The following CDH19 variants were observed in gnomAD, a reference collection of about 807,000 sequenced individuals.
CDH19 encodes cadherin-19.
A neutral mutation model predicts 64.2 loss-of-function variants in CDH19; 67 were observed. The ratio of observed to expected loss-of-function variants is 1.04; its 90% CI spans 0.86 to 1.28. The LOEUF (loss-of-function observed/expected upper bound fraction) is 1.28. Ranked by LOEUF, CDH19 falls within the 50% of genes most tolerant of loss-of-function variation. The pLI is 0.00. For missense variants in CDH19, 1,030 were observed against 929.0 expected (o/e 1.11, Z -1.41); for synonymous variants, 346 against 319.3 (o/e 1.08, Z -0.89).
intron 3 of CDH19, among the ~76,000 whole-genome samples, chr18:66,567,129 T>G (rs1236552349): frequency 6.6e-6 from 1 of 151,968 alleles, no homozygotes; most frequent in African/African-American, 2.4e-5. Flanking sequence ...TATTTCTTAT[T>G]TGTATATAAC....
At chr18:66,595,946 A>C (rs916745665) in intron 1 of CDH19, among the ~76,000 whole-genome samples, 2 of 152,110 alleles carry the variant, frequency 1.3e-5, no homozygotes, top group Non-Finnish European at 2.9e-5. Context: ...ATACAGCAAC[A>C]TATCAAATTC....
At chr18:66,569,777 A>G (rs9945993) in intron 2 of CDH19, among the ~76,000 whole-genome samples, 6,100 of 151,830 alleles carry the variant, frequency 0.04, 389 homozygotes, top group African/African-American at 0.13. Context: ...TTGATTCACC[A>G]TTTATGAAAA....
In CDH19 at chr18:66,571,238, T is replaced by C. The variant is rs1194572414; in HGVS notation, c.195+772A>G. Among the ~76,000 whole-genome samples, 3 of 151,628 alleles carry C rather than the reference T, an allele frequency of 2.0e-5. No homozygotes were observed. In the East Asian group the frequency reaches 5.8e-4, roughly 29 times the overall value. On this transcript the variant is annotated intron_variant, in intron 2 of 11. Coordinates refer to ENST00000262150, the MANE Select transcript of CDH19 (RefSeq NM_021153.4). ...CAGGTGAAGTTCTATGGAATCCAGA[T>C]ACCATGCTAACACTGCAGCTCTCCT...
intron 3 of CDH19, among the ~76,000 whole-genome samples, chr18:66,565,967 T>A (rs1987894514): frequency 6.6e-6 from 1 of 151,998 alleles, no homozygotes; most frequent in Non-Finnish European, 1.5e-5. Flanking sequence ...CAAATTGCAA[T>A]GCACAAAGAG....
chr18:66,586,711 G>A (rs1047742702), intron 1 of CDH19, among the ~76,000 whole-genome samples: 1 of 151,920 alleles, frequency 6.6e-6, no homozygotes, highest in African/African-American at 2.4e-5. Context: ...TTGTCTCAAT[G>A]CTCATTTCAA....
chr18:66,597,540 T>C (rs989113800), intron 1 of CDH19, among the ~76,000 whole-genome samples: 1 of 152,108 alleles, frequency 6.6e-6, no homozygotes, highest in Non-Finnish European at 1.5e-5. Flanking sequence ...ACATAGGCCC[T>C]GGCAAAGATT....
intron 4 of CDH19, among the ~76,000 whole-genome samples, chr18:66,552,760 C>T (rs1987390139): frequency 7.4e-6 from 1 of 134,526 alleles, no homozygotes; most frequent in Non-Finnish European, 1.5e-5. Context: ...GTTTAGCTAA[C>T]CTGCTCAGTA....
chr18:66,541,785 G>A (rs1411158304), intron 7 of CDH19, among the ~76,000 whole-genome samples: 1 of 152,066 alleles, frequency 6.6e-6, no homozygotes, highest in East Asian at 1.9e-4. Context: ...CAGTATAAAG[G>A]TGGAAGTCAT....
At chr18:66,525,310 C>T (rs76888899) in intron 9 of CDH19, among the ~76,000 whole-genome samples, 99 of 152,134 alleles carry the variant, frequency 6.5e-4, no homozygotes, top group African/African-American at 2.1e-3. Context: ...CATATGCACA[C>T]CATTTCAGTT....
At chr18:66,546,589 T>C (rs1209173254) in intron 5 of CDH19, among the ~76,000 whole-genome samples, 1 of 152,134 alleles carries the variant, frequency 6.6e-6, no homozygotes, top group African/African-American at 2.4e-5. Context: ...AGGCTGGAGA[T>C]AGAACAGGTG....
chr18:66,529,728 G>T, intron 9 of CDH19, 117 bp downstream of exon 9: 1 of 274,124 alleles, frequency 3.6e-6, no homozygotes, highest in Non-Finnish European at 6.8e-6. Context: ...TATAATATAT[G>T]AATATTAAAG....
chr18:66,540,257 CT>C (rs928115887), intron 7 of CDH19, among the ~76,000 whole-genome samples: 12 of 151,826 alleles, frequency 7.9e-5, no homozygotes, highest in Admixed American at 7.9e-4. Context: ...TTTATTTGCT[CT>C]TTTTTTTCTA....
chr18:66,524,556 AT>A (rs1598979894), intron 9 of CDH19, among the ~76,000 whole-genome samples: 4 of 139,902 alleles, frequency 2.9e-5, no homozygotes, highest in South Asian at 2.4e-4. Context: ...ATATATATAT[AT>A]ATATATATAT....
chr18:66,558,049 T>C (rs1449581151), intron 3 of CDH19, among the ~76,000 whole-genome samples: 1 of 151,574 alleles, frequency 6.6e-6, no homozygotes, highest in East Asian at 1.9e-4. Context: ...CTCCTGTAGG[T>C]ATTTTTCTTC....
intron 1 of CDH19, among the ~76,000 whole-genome samples, chr18:66,601,832 C>T (rs539724311): frequency 5.3e-5 from 8 of 151,202 alleles, no homozygotes; most frequent in Non-Finnish European, 1.2e-4. Flanking sequence ...AAAAAAAACG[C>T]TGTAAGGGTA....
chr18:66,522,158 C>A (rs1321456753), intron 9 of CDH19, among the ~76,000 whole-genome samples: 1 of 151,440 alleles, frequency 6.6e-6, no homozygotes, highest in Non-Finnish European at 1.5e-5. Context: ...CCGTGTTAGC[C>A]AGAATGGTCT....
At chr18:66,524,771 T>A (rs1986156089) in intron 9 of CDH19, among the ~76,000 whole-genome samples, 1 of 152,026 alleles carries the variant, frequency 6.6e-6, no homozygotes, top group African/African-American at 2.4e-5. Flanking sequence ...AGCTTTTTAT[T>A]TCTTACCAAC....
chr18:66,571,556 A>G (rs1009052275), intron 2 of CDH19, among the ~76,000 whole-genome samples: 1 of 151,618 alleles, frequency 6.6e-6, no homozygotes, highest in Non-Finnish European at 1.5e-5. Flanking sequence ...TAACTTTACT[A>G]ATCAATTTAA....
intron 3 of CDH19, among the ~76,000 whole-genome samples, chr18:66,559,850 G>A (rs988292212): frequency 3.3e-5 from 5 of 151,670 alleles, no homozygotes; most frequent in African/African-American, 1.2e-4. Context: ...GAAAATACTG[G>A]ATTTAGGAAT....
Sources: gnomAD v4.1 joint callset for allele counts (sites outside exome capture counted in the v4.1 genomes callset) on GRCh38, gnomAD v4.1.1 for gene constraint, MANE v1.5 for transcripts, NCBI Gene and HGNC (gene_info 2026-07-23, HGNC 2026-07-21) for gene names.